The following NALCN variants were observed in gnomAD, a reference collection of about 807,000 sequenced individuals.
NALCN encodes the protein sodium leak channel, non-selective.
NALCN carries 111 observed loss-of-function variants against 225.3 expected under a neutral mutation model. The ratio of observed to expected loss-of-function variants is 0.49; its 90% CI spans 0.42 to 0.58. The LOEUF is 0.58. Ranked by LOEUF, NALCN falls within the 20% of genes least tolerant of loss-of-function variation. The probability of loss-of-function intolerance (pLI) is 0.00; values close to 1 mark genes in which losing one functional copy is unlikely to be tolerated. For missense variants in NALCN, 1,378 were observed against 2,202.4 expected, an observed-to-expected ratio of 0.63 and a Z score of 7.49; for synonymous variants, 764 against 769.0, an observed-to-expected ratio of 0.99 and a Z score of 0.11.
chr13:101,382,349 T>C (rs114722614), intron 3 of NALCN, among the ~76,000 whole-genome samples: 1,529 of 152,076 alleles, frequency 0.01, 27 homozygotes, highest in African/African-American at 0.035. Context: ...AGGAGAGACA[T>C]GCTTTTCACA....
intron 13 of NALCN, among the ~76,000 whole-genome samples, chr13:101,214,998 T>C (rs1196673902): frequency 6.6e-6 from 1 of 152,154 alleles, no homozygotes; most frequent in Non-Finnish European, 1.5e-5. Context: ...GGCAATTGTT[T>C]ATCCAAATGG....
intron 14 of NALCN, among the ~76,000 whole-genome samples, chr13:101,187,872 G>A (rs796096581): frequency 2.7e-4 from 41 of 152,276 alleles, no homozygotes; most frequent in African/African-American, 9.6e-4. Flanking sequence ...TGAGGGTCAT[G>A]AGGCAATACT....
At chr13:101,055,645 T>G (rs2031135350) in intron 43 of NALCN, among the ~76,000 whole-genome samples, 157 bp from the exon 44 acceptor site, 1 of 152,130 alleles carries the variant, frequency 6.6e-6, no homozygotes, top group African/African-American at 2.4e-5. Context: ...TGATTCTTTA[T>G]GTTCACGATA....
intron 30 of NALCN, among the ~76,000 whole-genome samples, chr13:101,086,595 A>T (rs982040170): frequency 6.6e-6 from 1 of 151,998 alleles, no homozygotes; most frequent in African/African-American, 2.4e-5. Context: ...CACATTCTCA[A>T]ATTGTTGTAA....
At chr13:101,307,162 CTT>C (rs2044180131) in intron 7 of NALCN, among the ~76,000 whole-genome samples, 1 of 152,190 alleles carries the variant, frequency 6.6e-6, no homozygotes, top group South Asian at 2.1e-4. Context: ...CTTAGCCCCT[CTT>C]TGTCGCTTGG....
At chr13:101,266,500 G>A (rs1156774510) in intron 10 of NALCN, among the ~76,000 whole-genome samples, 3 of 152,110 alleles carry the variant, frequency 2.0e-5, no homozygotes, top group African/African-American at 7.2e-5. Flanking sequence ...GGTCTCAGAG[G>A]TTGCAATAAA....
At chr13:101,304,162 A>G (rs2044070408) in intron 7 of NALCN, among the ~76,000 whole-genome samples, 1 of 152,142 alleles carries the variant, frequency 6.6e-6, no homozygotes, top group Non-Finnish European at 1.5e-5. Flanking sequence ...AATATCTAAA[A>G]TGATTTTTAT....
At chr13:101,385,245 C>T (rs142157617) in intron 3 of NALCN, among the ~76,000 whole-genome samples, 75 of 152,188 alleles carry the variant, frequency 4.9e-4, no homozygotes, top group African/African-American at 1.7e-3. Flanking sequence ...TTTCTTTCTC[C>T]GTGAGATCCC....
In NALCN at chr13:101,334,363, T is replaced by TTG. The variant is rs112489928; in HGVS notation, c.799+10902_799+10903insCA. On this transcript the variant is annotated intron_variant, in intron 7 of 43. Coordinates refer to ENST00000251127, the MANE Select transcript of NALCN (RefSeq NM_052867.4). ...ACAGGTGAGTCACAGGAGATGGGGGTAGGGGGAGCGGTAGGAGAGAGGCAA... is the reference window on the plus strand; with the variant it reads ...ACAGGTGAGTCACAGGAGATGGGGGTTGAGGGGGAGCGGTAGGAGAGAGGCAA... Among the ~76,000 whole-genome samples the TTG allele has an allele frequency of 2.9e-5, 4 of 138,110 alleles. 1 individual carries two copies. The highest frequency in any genetic ancestry group is 8.9e-5 in the African/African-American group (3 of 33,884). 90.6% of individuals were successfully genotyped at this position (138,110 alleles called of 152,430 possible). A position where few individuals can be genotyped will look rare whatever the true frequency, so the allele number is the denominator to read the frequency against.
intron 7 of NALCN, among the ~76,000 whole-genome samples, chr13:101,326,734 C>T (rs970898869): frequency 6.6e-6 from 1 of 152,190 alleles, no homozygotes. Context: ...AAAGCATCTG[C>T]TATTTATTGG....
chr13:101,154,715 T>C (rs1463413358), intron 15 of NALCN, among the ~76,000 whole-genome samples: 1 of 152,222 alleles, frequency 6.6e-6, no homozygotes, highest in African/African-American at 2.4e-5. Flanking sequence ...CGGAGTCCCA[T>C]CAACAGGCAG....
chr13:101,164,315 A>T (rs906767677), intron 15 of NALCN, among the ~76,000 whole-genome samples: 1 of 152,054 alleles, frequency 6.6e-6, no homozygotes, highest in South Asian at 2.1e-4. Flanking sequence ...TTGGGGGGAC[A>T]GGGTCTTTCT....
intron 11 of NALCN, among the ~76,000 whole-genome samples, chr13:101,241,649 G>T (rs1222835982): frequency 6.6e-6 from 1 of 151,976 alleles, no homozygotes; most frequent in African/African-American, 2.4e-5. Flanking sequence ...CACCATGTTG[G>T]CCAGGTTGGT....
At chr13:101,388,506 A>G (rs967634361) in intron 3 of NALCN, among the ~76,000 whole-genome samples, 2 of 152,216 alleles carry the variant, frequency 1.3e-5, no homozygotes, top group African/African-American at 2.4e-5. Context: ...TGGCTAATTT[A>G]CAGCATTTTG....
At chr13:101,334,530 C>T (rs1005655708) in intron 7 of NALCN, among the ~76,000 whole-genome samples, 13 of 145,956 alleles carry the variant, frequency 8.9e-5, no homozygotes, top group Admixed American at 6.9e-5. Flanking sequence ...ATACGAAATG[C>T]CTACATTATT....
chr13:101,233,385 G>A (rs536109033), intron 12 of NALCN, among the ~76,000 whole-genome samples: 1 of 147,310 alleles, frequency 6.8e-6, no homozygotes, highest in South Asian at 2.1e-4. Flanking sequence ...CTGTGGCCCA[G>A]GCTGGAGAGC....
intron 40 of NALCN, among the ~76,000 whole-genome samples, chr13:101,064,015 G>A (rs757127397): frequency 1.1e-4 from 16 of 152,070 alleles, no homozygotes; most frequent in African/African-American, 2.2e-4. Flanking sequence ...ACTTTAAAAC[G>A]GCAGTGATAA....
At chr13:101,060,091 T>A (rs1426827379) in intron 41 of NALCN, 124 bp from the exon 42 acceptor site, 5 of 1,096,754 alleles carry the variant, frequency 4.6e-6, no homozygotes, top group Non-Finnish European at 6.5e-6. Flanking sequence ...CTCTTAGGAA[T>A]TTCCAAGTAA....
At chr13:101,176,111 T>C (rs1234016898) in intron 15 of NALCN, among the ~76,000 whole-genome samples, 189 bp downstream of exon 15, 2 of 152,226 alleles carry the variant, frequency 1.3e-5, no homozygotes, top group Non-Finnish European at 1.5e-5. Context: ...AGGATATTTA[T>C]AGAGTAATAG....
Sources: allele counts gnomAD v4.1 joint callset (sites outside exome capture counted in the v4.1 genomes callset), GRCh38; gene constraint gnomAD v4.1.1; transcripts MANE v1.5; gene names NCBI Gene and HGNC (gene_info 2026-07-23, HGNC 2026-07-21).